The following ADCY7 variants were observed in gnomAD, a reference collection of about 807,000 sequenced individuals.
ADCY7 encodes the protein adenylate cyclase type 7.
ADCY7 carries 72 observed loss-of-function variants against 120.6 expected under a neutral mutation model. That is an observed-to-expected ratio of 0.60 (90% CI 0.49 to 0.73). The LOEUF (loss-of-function observed/expected upper bound fraction) is 0.73, where lower values mean the gene tolerates loss of function less well. Among genes scored for constraint, ADCY7 ranks in the 30% least tolerant of loss-of-function variants. ADCY7 has a pLI of 0.00. For missense variants in ADCY7, 1,227 were observed against 1,486.0 expected, an observed-to-expected ratio of 0.83 and a Z score of 2.87; for synonymous variants, 661 against 628.0, an observed-to-expected ratio of 1.05 and a Z score of -0.78.
rs201330965 is a variant in ADCY7, at chr16:50,311,815, CA to C, written c.2448+31del. The C allele has an allele frequency of 4.3e-4, 510 of 1,183,256 alleles. 6 individuals are homozygous for C. The African/African-American group carries it at 7.9e-3, about 18-fold the overall frequency. 73.3% of individuals were successfully genotyped at this position (1,183,256 alleles called of 1,614,324 possible). On this transcript the variant is annotated intron_variant, in intron 20 of 25. Coordinates refer to ENST00000673801, the MANE Select transcript of ADCY7 (RefSeq NM_001114.5). Reference sequence around the variant, plus strand: ...AGGAGGCTGGCCCCCCCCCCCCCCCCAAGCTCTGCCCACTTTTCCTCACCTC... The same window carrying C: ...AGGAGGCTGGCCCCCCCCCCCCCCCCAGCTCTGCCCACTTTTCCTCACCTC...
Position 50,308,764 on chromosome 16 carries a change from G to T in ADCY7, c.2033G>T (p.Ser678Ile). The T allele has an allele frequency of 6.2e-7, 1 of 1,612,246 alleles. No individual in the cohort carries two copies. Residue 678 changes from serine (S) to isoleucine (I), a missense_variant, in exon 17 of 26, where the codon AGC becomes ATC. Ser to Ile is a moderately radical substitution (Grantham distance 142). Around this residue, in one of 5 missense-constraint regions of ADCY7, gnomAD observed 267 missense variants for 270.0 expected, o/e 0.99. Transcript: ENST00000673801. ...RLTLAVLTIG[S>I]LLTVAIINLP... ...ACCCTGGCCGTCCTGACCATCGGCA[G>T]CCTGCTCACTGTGGCCATCATCAAC...
At position 50,288,366 on chromosome 16, in the gene ADCY7, C is replaced by T; in HGVS notation, c.171+16C>T. On this transcript the variant is annotated intron_variant, in intron 2 of 25. Transcript: ENST00000673801. Reference sequence around the variant, plus strand: ...CAGCCAGGGGGTGAGTGAGGGCAGCCCCTGGGCTTCACGTCTCGGCCCCAA... The same window carrying T: ...CAGCCAGGGGGTGAGTGAGGGCAGCTCCTGGGCTTCACGTCTCGGCCCCAA... 1.3e-6 allele frequency: 2 copies of T among 1,528,150 alleles called. No individual in the cohort carries two copies. Among genetic ancestry groups the T allele is most frequent in the East Asian group, 5.0e-5 (2 of 40,298 alleles). The allele number at this position is 1,528,150 out of a possible 1,614,324, so 94.7% of individuals were successfully genotyped here. A position where few individuals can be genotyped will look rare whatever the true frequency, so the allele number is the denominator to read the frequency against.
chr16:50,268,508 T>C (rs1159362226), intron 1 of ADCY7, among the ~76,000 whole-genome samples: 1 of 152,104 alleles, frequency 6.6e-6, no homozygotes, highest in East Asian at 1.9e-4. Flanking sequence ...TCAGGCAATC[T>C]TACCGCCTCA....
rs1596963202 is a variant in ADCY7 at position 50,304,443 on chromosome 16, G to T, written c.1452G>T (p.Met484Ile). ...AALKMRASVR[M>I]TRYLESWGAA... ...TGAAGATGCGGGCGTCAGTGCGCAT[G>T]ACCCGGTACCTCGAGTCCTGGGGGG... The change falls in exon 11 of 26, where the codon ATG becomes ATT. Residue 484 changes from methionine (M) to isoleucine (I), a missense_variant. Transcript: ENST00000673801. 1 of 1,608,888 alleles carries T rather than the reference G, an allele frequency of 6.2e-7. No homozygotes were observed. Among genetic ancestry groups the T allele is most frequent in the South Asian group, 1.1e-5 (1 of 90,728 alleles).
Position 50,246,805 on chromosome 16 carries a change from C to G in ADCY7, c.-64+602C>G, listed in dbSNP as rs190789006. Among the ~76,000 whole-genome samples, 343 of 152,328 alleles carry G rather than the reference C, an allele frequency of 2.3e-3. 1 individual carries two copies. Among genetic ancestry groups the G allele is most frequent in the African/African-American group, 8.0e-3 (332 of 41,568 alleles). On this transcript the variant is annotated intron_variant, in intron 1 of 4. Coordinates refer to the ADCY7 transcript ENST00000564044. ...GCACATGAGGAAGTGACAATGGGAG[C>G]CGACCCCGGGTAGGGGAGAGAGGCT...
At chr16:50,311,650 G>C (rs1262820051) in intron 19 of ADCY7, 43 bp from the exon 20 acceptor site, 1 of 1,391,508 alleles carries the variant, frequency 7.2e-7, no homozygotes, top group Non-Finnish European at 1.0e-6. Flanking sequence ...GTGGGTTGGA[G>C]TGGTGAGTGC....
At chr16:50,301,240 G>T (rs753387471) in intron 10 of ADCY7, 26 bp downstream of exon 10, 11 of 754,414 alleles carry the variant, frequency 1.5e-5, no homozygotes, top group African/African-American at 6.2e-5. Flanking sequence ...GGCCGCAGCT[G>T]GGGGGGACCC....
In ADCY7 at chr16:50,310,692, C is replaced by T. The variant is rs147203890; in HGVS notation, c.2166C>T (p.Tyr722=). Residue 722 remains tyrosine (Y), a synonymous_variant, in exon 19 of 26, where the codon TAC becomes TAT. Transcript: ENST00000673801. ...GTGACACCCTGCCCCCTCAGTACTA[C>T]ACCTGCAGCTGTGTCCTGGGCTTCA... is the stretch of plus-strand genomic sequence containing the variant. ...TRALCEPLPY[Y]TCSCVLGFIA... is the part of the protein sequence containing the mutation. 4.6e-5 allele frequency: 74 copies of T among 1,613,732 alleles called. No homozygotes were observed. The highest frequency in any genetic ancestry group is 1.7e-4 in the Middle Eastern group (1 of 6,050).
upstream of ADCY7, among the ~76,000 whole-genome samples, chr16:50,264,182 T>C (rs1361631294): frequency 2.0e-5 from 3 of 152,220 alleles, no homozygotes; most frequent in Non-Finnish European, 4.4e-5. Context: ...CACTGTAGAT[T>C]AGTTTCATCA....
chr16:50,290,653 G>T lies in ADCY7; in HGVS notation c.368G>T (p.Trp123Leu), dbSNP rs750765592. The change falls in exon 3 of 26, where the codon TGG becomes TTG. Residue 123 changes from tryptophan to leucine, a missense_variant. Trp to Leu is a moderately conservative substitution (Grantham distance 61). Around this residue, in one of 5 missense-constraint regions of ADCY7, gnomAD observed 382 missense variants for 411.4 expected, o/e 0.93. Transcript: ENST00000673801. ...GCATGGACAAAGGCGGCCTGTGCGT[G>T]GGAGCAGGTAACAGGAACTCTGGAC... ...FDAWTKAACAWEQVPFFLFIV... is the reference protein window; with the variant it reads ...FDAWTKAACALEQVPFFLFIV... The T allele has an allele frequency of 6.2e-7, 1 of 1,613,122 alleles. No homozygotes were observed.
At chr16:50,264,811 T>C (rs933875061), upstream of ADCY7, among the ~76,000 whole-genome samples, 1 of 151,638 alleles carries the variant, frequency 6.6e-6, no homozygotes, top group Non-Finnish European at 1.5e-5. Flanking sequence ...ATTTGTCTTT[T>C]TCTTATTGGT....
intron 4 of ADCY7, 42 bp from the exon 5 acceptor site, chr16:50,292,634 G>C: frequency 6.2e-7 from 1 of 1,605,154 alleles, no homozygotes; most frequent in Admixed American, 1.7e-5. Flanking sequence ...GGGAGGGCAT[G>C]GGCCAGGCCA....
At chr16:50,298,354 G>T (rs1055010533) in intron 7 of ADCY7, among the ~76,000 whole-genome samples, 1 of 152,074 alleles carries the variant, frequency 6.6e-6, no homozygotes. Context: ...CGGCTCTCTC[G>T]GTTCCTCGGG....
intron 5 of ADCY7, 32 bp from the exon 6 acceptor site, chr16:50,293,322 G>T: frequency 6.2e-7 from 1 of 1,602,708 alleles, no homozygotes; most frequent in Non-Finnish European, 8.5e-7. Flanking sequence ...CGCTTTGCTG[G>T]TCCCTCTGCT....
chr16:50,317,484 G>GTACTC lies in ADCY7; in HGVS notation c.*1981_*1985dup, dbSNP rs1425641101. 2 of 152,304 alleles carry GTACTC rather than the reference G, an allele frequency of 1.3e-5. No homozygotes were observed. The highest frequency in any genetic ancestry group is 3.7e-4 in the East Asian group (2 of 5,340). The allele number at this position is 152,304 out of a possible 1,614,324, so 9.4% of individuals were successfully genotyped here. ...GGGCCTCTCTGAGGTCAGCATATTT[G>GTACTC]TACTCTTGGAATATTTGTTTTTTTC... is the stretch of plus-strand genomic sequence containing the variant. On this transcript the variant is annotated 3_prime_UTR_variant, in exon 26 of 26. Transcript: ENST00000673801.
At chr16:50,258,490 A>G (rs1314026929) in intron 1 of ADCY7, among the ~76,000 whole-genome samples, 1 of 144,726 alleles carries the variant, frequency 6.9e-6, no homozygotes, top group African/African-American at 2.6e-5. Flanking sequence ...TTTTCACACA[A>G]CAGCACATTG....
chr16:50,260,807 A>T (rs1174455135), intron 1 of ADCY7, among the ~76,000 whole-genome samples: 1 of 152,184 alleles, frequency 6.6e-6, no homozygotes, highest in African/African-American at 2.4e-5. Flanking sequence ...AGTGTCCTCG[A>T]GCCATGGTGT....
intron 3 of ADCY7, among the ~76,000 whole-genome samples, chr16:50,291,348 G>T (rs1596904231): frequency 6.6e-6 from 1 of 151,576 alleles, no homozygotes; most frequent in African/African-American, 2.4e-5. Flanking sequence ...CAGCTCTGGG[G>T]GTGGAGGGAG....
chr16:50,294,511 G>GA (rs2035214926), intron 6 of ADCY7, 129 bp from the exon 7 acceptor site: 2 of 612,592 alleles, frequency 3.3e-6, no homozygotes, highest in African/African-American at 3.7e-5. Context: ...TATGGAGGCT[G>GA]AGGAAGGACG....
Sources: allele counts gnomAD v4.1 joint callset (sites outside exome capture counted in the v4.1 genomes callset), GRCh38; gene constraint gnomAD v4.1.1; regional missense constraint gnomAD v4.1.1; transcripts MANE v1.5; gene names NCBI Gene and HGNC (gene_info 2026-07-23, HGNC 2026-07-21).